TEKTIP1: variants seen among roughly 807,000 people sequenced by gnomAD.
The protein encoded by TEKTIP1 is tektin bundle interacting protein 1.
the TEKTIP1 span, chr19:3,542,225 T>C: frequency 1.0e-6 from 1 of 985,320 alleles, no homozygotes; most frequent in African/African-American, 1.7e-5. Context: ...GCCGAGTCTA[T>C]GTGGGGTCCC....
At chr19:3,541,853 G>C in the TEKTIP1 span, 7 of 949,204 alleles carry the variant, frequency 7.4e-6, no homozygotes, top group Non-Finnish European at 8.8e-6. Flanking sequence ...CTCTCACCCA[G>C]GCTGGAGTGC....
chr19:3,540,084 CTT>C, the TEKTIP1 span: 4 of 132,098 alleles, frequency 3.0e-5, no homozygotes, highest in Admixed American at 2.4e-4. Context: ...AGACCCATCT[CTT>C]TTCTTTTTTT....
chr19:3,543,045 A>G, the TEKTIP1 span: 7 of 1,605,188 alleles, frequency 4.4e-6, no homozygotes, highest in Non-Finnish European at 5.9e-6. Context: ...AGGGGGAGTC[A>G]GCCTCTCTCC....
the TEKTIP1 span, chr19:3,542,510 G>C: frequency 2.1e-6 from 2 of 970,368 alleles, no homozygotes; most frequent in Non-Finnish European, 2.4e-6. Context: ...GTCTCACTCT[G>C]TTGCCCAGGC....
chr19:3,543,219 C>A, the TEKTIP1 span: 1 of 1,539,314 alleles, frequency 6.5e-7, no homozygotes. Context: ...AGTCTCTGCC[C>A]CCTGCCCACC....
chr19:3,544,009 A>C, the TEKTIP1 span: 1 of 1,536,596 alleles, frequency 6.5e-7, no homozygotes, highest in South Asian at 1.2e-5. Flanking sequence ...ACTCCCCGAT[A>C]AAGGCATGCT....
chr19:3,543,436 C>T, the TEKTIP1 span: 3 of 1,545,828 alleles, frequency 1.9e-6, no homozygotes, highest in South Asian at 3.6e-5. Context: ...ACCGCTGGCA[C>T]AGCTGCTACC....
chr19:3,543,428 C>T, the TEKTIP1 span: 450 of 1,546,818 alleles, frequency 2.9e-4, 1 homozygote, highest in East Asian at 3.5e-3. Context: ...GGCCTACAAC[C>T]GCTGGCACAG....
chr19:3,542,860 AG>A, the TEKTIP1 span: 2 of 1,384,674 alleles, frequency 1.4e-6, no homozygotes, highest in Admixed American at 1.9e-5. Flanking sequence ...CCTCCAGGCC[AG>A]GGGGGCTTCC....
chr19:3,542,178 G>C, the TEKTIP1 span: 1 of 985,254 alleles, frequency 1.0e-6, no homozygotes, highest in Admixed American at 6.2e-5. Flanking sequence ...AAAGGGTGAG[G>C]TTCTCCTGAT....
At chr19:3,542,938 C>T in the TEKTIP1 span, 1 of 1,480,188 alleles carries the variant, frequency 6.8e-7, no homozygotes, top group Non-Finnish European at 9.1e-7. Flanking sequence ...GTAGCCAGGG[C>T]CCTTGTCCTC....
At chr19:3,543,171 C>A in the TEKTIP1 span, 5 of 1,520,846 alleles carry the variant, frequency 3.3e-6, no homozygotes, top group Non-Finnish European at 4.4e-6. Context: ...TGGCAGACAT[C>A]GCAAAGGGGT....
the TEKTIP1 span, chr19:3,542,767 G>C: frequency 5.9e-6 from 8 of 1,360,426 alleles, no homozygotes; most frequent in Non-Finnish European, 7.8e-6. Flanking sequence ...ACAAGCGTGA[G>C]CCACACACCT....
chr19:3,540,716 C>T, the TEKTIP1 span, among the ~76,000 whole-genome samples: 1 of 150,310 alleles, frequency 6.7e-6, no homozygotes, highest in Non-Finnish European at 1.5e-5. Context: ...CCCGTCTCTA[C>T]TAAAAATACA....
chr19:3,541,519 C>T, the TEKTIP1 span: 4 of 254,132 alleles, frequency 1.6e-5, no homozygotes, highest in African/African-American at 2.3e-5. Context: ...GACAGTGTTT[C>T]ACCATGTTGG....
chr19:3,542,561 C>G, the TEKTIP1 span: 10 of 829,064 alleles, frequency 1.2e-5, no homozygotes, highest in Non-Finnish European at 1.5e-5. Flanking sequence ...GCAAACTCCA[C>G]TTCCTGGGTT....
At chr19:3,539,686 T>G in the TEKTIP1 span, 1 of 177,682 alleles carries the variant, frequency 5.6e-6, no homozygotes, top group African/African-American at 2.4e-5. Flanking sequence ...CCGGCCTTCC[T>G]GTCTGCGTCC....
the TEKTIP1 span, chr19:3,543,619 C>A: frequency 6.5e-7 from 1 of 1,544,730 alleles, no homozygotes. Context: ...AGTACCAGGC[C>A]CCCAGCACCC....
chr19:3,543,146 C>G, the TEKTIP1 span: 2 of 1,513,238 alleles, frequency 1.3e-6, no homozygotes, highest in Non-Finnish European at 1.8e-6. Context: ...GGCCAGGCCT[C>G]TACATCATCC....
Sources: gnomAD v4.1 joint callset for allele counts (sites outside exome capture counted in the v4.1 genomes callset) on GRCh38, gnomAD v4.1.1 for gene constraint, MANE v1.5 for transcripts, NCBI Gene and HGNC (gene_info 2026-07-23, HGNC 2026-07-21) for gene names.